Variants in SEC22C observed in about 807,000 individuals in gnomAD.
SEC22C encodes vesicle-trafficking protein SEC22c.
A neutral mutation model predicts 34.7 loss-of-function variants in SEC22C; 29 were observed. The ratio of observed to expected loss-of-function variants is 0.84; its 90% confidence interval spans 0.62 to 1.14. The LOEUF is 1.14. SEC22C is among the 50% of genes most tolerant of loss of function. The pLI, the probability that SEC22C is intolerant of heterozygous loss-of-function variation, is 0.00. For missense variants in SEC22C, 337 were observed against 369.0 expected (o/e 0.91, Z 0.71); for synonymous variants, 117 against 132.8 (o/e 0.88, Z 0.82).
At chr3:42,589,896 T>A (rs1008448687) in intron 1 of SEC22C, among the ~76,000 whole-genome samples, 1 of 152,116 alleles carries the variant, frequency 6.6e-6, no homozygotes. Context: ...CAAGAAGGTA[T>A]GTCCAGCTTC....
chr3:42,571,467 T>G (rs1217240078), intron 1 of SEC22C, among the ~76,000 whole-genome samples: 1 of 152,186 alleles, frequency 6.6e-6, no homozygotes, highest in Non-Finnish European at 1.5e-5. Flanking sequence ...TATTTGTGAG[T>G]GTATGTGAAT....
Position 42,557,679 on chromosome 3 carries a change from C to T in SEC22C, c.544G>A (p.Glu182Lys), listed in dbSNP as rs146063264. The change falls in exon 5 of 7, where the codon GAA becomes AAA. Residue 182 changes from glutamate (E) to lysine (K), a missense_variant. By Grantham distance (56) the Glu-to-Lys change is moderately conservative. Coordinates refer to ENST00000264454, the MANE Select transcript of SEC22C (RefSeq NM_032970.4). Reference protein sequence around the residue: ...HLEPAPNFRMEPVTALGILSL... With the variant: ...HLEPAPNFRMKPVTALGILSL... ...AGGATACCCAGGGCTGTCACTGGTT[C>T]CATTCGGAAATTAGGAGCTTCACAA... The T allele has an allele frequency of 0.011, 17,721 of 1,598,586 alleles. 124 individuals are homozygous for T. Among genetic ancestry groups the T allele is most frequent in the Non-Finnish European group, 0.014 (15,961 of 1,167,146 alleles).
At chr3:42,591,746 G>C in intron 1 of SEC22C, 2 of 660,956 alleles carry the variant, frequency 3.0e-6, no homozygotes, top group Non-Finnish European at 5.5e-6. Context: ...CAAAGAGTTT[G>C]CCAACCTGCC....
Position 42,548,952 on chromosome 3 carries a change from G to T in SEC22C, c.*4296C>A. 8.5e-7 allele frequency: 1 copy of T among 1,180,878 alleles called. No individual in the cohort carries two copies. Among genetic ancestry groups the T allele is most frequent in the Non-Finnish European group, 1.1e-6 (1 of 947,802 alleles). 73.1% of individuals were successfully genotyped at this position (1,180,878 alleles called of 1,614,324 possible). A position where few individuals can be genotyped will look rare whatever the true frequency, so the allele number is the denominator to read the frequency against. On this transcript the variant is annotated 3_prime_UTR_variant, in exon 7 of 7. Coordinates refer to ENST00000264454, the MANE Select transcript of SEC22C (RefSeq NM_032970.4). ...CTTTTGACCCTCATAACAGCACCCT[G>T]GCGGGGGGGCAGATTGATGTTATCA... is the stretch of plus-strand genomic sequence containing the variant.
At chr3:42,587,819 C>T (rs1704673332) in intron 1 of SEC22C, among the ~76,000 whole-genome samples, 1 of 152,118 alleles carries the variant, frequency 6.6e-6, no homozygotes, top group Admixed American at 6.5e-5. Flanking sequence ...CACCTGTAAT[C>T]TTAGCATTTT....
chr3:42,591,583 G>A (rs1476096217), intron 1 of SEC22C: 2 of 1,613,706 alleles, frequency 1.2e-6, no homozygotes, highest in Admixed American at 1.7e-5. Flanking sequence ...AACAAGGGCC[G>A]CGGGAACGAG....
At chr3:42,564,865 C>T (rs1703138946) in intron 2 of SEC22C, among the ~76,000 whole-genome samples, 1 of 152,174 alleles carries the variant, frequency 6.6e-6, no homozygotes, top group South Asian at 2.1e-4. Flanking sequence ...TCAAGCCATC[C>T]TCCCACCTCA....
At position 42,548,739 on chromosome 3, in the gene SEC22C, G is replaced by A. The variant is rs1283563368; in HGVS notation, c.*4509C>T. The stretch of plus-strand genomic sequence containing the variant: ...CAGGTCCAGGGTGGGAAGAAGAGGG[G>A]CTGCTACCTTTTGGAGTGAAAAAAA... On this transcript the variant is annotated 3_prime_UTR_variant, in exon 7 of 7. Coordinates refer to ENST00000264454, the MANE Select transcript of SEC22C (RefSeq NM_032970.4). The A allele has an allele frequency of 6.3e-5, 101 of 1,605,164 alleles. No homozygotes were observed. The highest frequency in any genetic ancestry group is 1.4e-4 in the Admixed American group (8 of 59,074).
At position 42,549,490 on chromosome 3, in the gene SEC22C, T is replaced by C; in HGVS notation, c.*3758A>G. 2 of 985,898 alleles carry C rather than the reference T, an allele frequency of 2.0e-6. No homozygotes were observed. The highest frequency in any genetic ancestry group is 2.4e-6 in the Non-Finnish European group (2 of 830,256). The allele number at this position is 985,898 out of a possible 1,614,324, so 61.1% of individuals were successfully genotyped here. On this transcript the variant is annotated 3_prime_UTR_variant, in exon 7 of 7. Transcript: ENST00000264454. ...TGCTCCCTACCTATGCCCTGCTTCC[T>C]GTGCCTCACACAGCCAGCCTTGCTG...
At chr3:42,555,877 A>G (rs1577295049) in intron 6 of SEC22C, 53 bp downstream of exon 6, 6 of 1,401,604 alleles carry the variant, frequency 4.3e-6, no homozygotes, top group Non-Finnish European at 6.1e-6. Context: ...TGAACAGAAG[A>G]ACAAAGTAAG....
chr3:42,584,899 G>A (rs946746525), upstream of SEC22C, among the ~76,000 whole-genome samples: 7 of 152,148 alleles, frequency 4.6e-5, no homozygotes, highest in Non-Finnish European at 1.0e-4. Flanking sequence ...ACTTTGGGAG[G>A]CCAAGGTGGG....
intron 3 of SEC22C, among the ~76,000 whole-genome samples, chr3:42,562,444 G>A (rs890436844): frequency 2.6e-5 from 4 of 152,166 alleles, no homozygotes; most frequent in African/African-American, 9.7e-5. Context: ...GGAGACTCAG[G>A]GGCAGAACTT....
intron 1 of SEC22C, among the ~76,000 whole-genome samples, chr3:42,576,130 T>A (rs1200801724): frequency 6.6e-6 from 1 of 151,290 alleles, no homozygotes; most frequent in Non-Finnish European, 1.5e-5. Flanking sequence ...AAAGGAAATA[T>A]AAAGGAAATT....
chr3:42,557,595 C>T lies in SEC22C; in HGVS notation c.628G>A (p.Ala210Thr), dbSNP rs1324463759. The change falls in exon 5 of 7, where the codon GCA becomes ACA. Residue 210 changes from alanine to threonine, a missense_variant. By Grantham distance (58) the Ala-to-Thr change is moderately conservative (BLOSUM62 0). Coordinates refer to ENST00000264454, the MANE Select transcript of SEC22C (RefSeq NM_032970.4). ...AAGGTTACCTGTAAAGAATGTTCTG[C>T]AAGGTGAACTCCTCGAATGAGATTC... ...ALNLIRGVHL[A>T]EHSLQVAHEE... The T allele has an allele frequency of 7.7e-6, 12 of 1,565,530 alleles. No homozygotes were observed. The highest frequency in any genetic ancestry group is 1.8e-5 in the Admixed American group (1 of 56,152).
At chr3:42,573,102 T>C (rs1158512589) in intron 1 of SEC22C, among the ~76,000 whole-genome samples, 1 of 151,994 alleles carries the variant, frequency 6.6e-6, no homozygotes, top group South Asian at 2.1e-4. Context: ...TCCTCCCACC[T>C]CGGCCTCTCA....
chr3:42,585,277 CA>C (rs774005383), upstream of SEC22C, among the ~76,000 whole-genome samples: 7 of 152,192 alleles, frequency 4.6e-5, no homozygotes, highest in Admixed American at 4.6e-4. Context: ...GATTGGACAA[CA>C]GGGGTGAGAT....
chr3:42,550,358 A>G lies in SEC22C; in HGVS notation c.*2890T>C. On this transcript the variant is annotated 3_prime_UTR_variant, in exon 7 of 7. Coordinates refer to ENST00000264454, the MANE Select transcript of SEC22C (RefSeq NM_032970.4). ...ACAGTGAGTCCATGGTGGAGTGAGG[A>G]TAACTCCTGGGATTTGGAACCAGTT... 1 of 985,464 alleles carries G rather than the reference A, an allele frequency of 1.0e-6. No homozygotes were observed. Among genetic ancestry groups the G allele is most frequent in the Non-Finnish European group, 1.2e-6 (1 of 829,938 alleles). 61.0% of individuals were successfully genotyped at this position (985,464 alleles called of 1,614,324 possible). A position where few individuals can be genotyped will look rare whatever the true frequency, so the allele number is the denominator to read the frequency against.
intron 1 of SEC22C, among the ~76,000 whole-genome samples, chr3:42,593,849 A>G (rs150763725): frequency 3.5e-4 from 53 of 152,328 alleles, no homozygotes; most frequent in Non-Finnish European, 7.1e-4. Flanking sequence ...GTAGTAAGGC[A>G]TAGTGAGATA....
At chr3:42,570,695 G>A (rs763093203) in intron 1 of SEC22C, among the ~76,000 whole-genome samples, 59 of 152,114 alleles carry the variant, frequency 3.9e-4, no homozygotes, top group Non-Finnish European at 6.5e-4. Flanking sequence ...TACAGCAGAC[G>A]CCTAGCCAAT....
Sources: gnomAD v4.1 joint callset for allele counts (sites outside exome capture counted in the v4.1 genomes callset) on GRCh38, gnomAD v4.1.1 for gene constraint, MANE v1.5 for transcripts, NCBI Gene and HGNC (gene_info 2026-07-23, HGNC 2026-07-21) for gene names.